The following RAB3IP variants were observed in gnomAD, a reference collection of about 807,000 sequenced individuals.
RAB3IP encodes rab-3A-interacting protein.
In RAB3IP, 36 loss-of-function variants were observed where a neutral mutation model predicts 59.1. The ratio of observed to expected loss-of-function variants is 0.61; its 90% CI spans 0.47 to 0.80. The LOEUF (loss-of-function observed/expected upper bound fraction) is 0.80. Among genes scored for constraint, RAB3IP ranks in the 30% least tolerant of loss-of-function variants. The pLI is 0.00. For missense variants in RAB3IP, 511 were observed against 536.0 expected (o/e 0.95, Z 0.46); for synonymous variants, 207 against 191.2 (o/e 1.08, Z -0.68).
chr12:69,764,778 C>G (rs1443371051), intron 3 of RAB3IP, among the ~76,000 whole-genome samples: 1 of 152,090 alleles, frequency 6.6e-6, no homozygotes, highest in Non-Finnish European at 1.5e-5. Flanking sequence ...AGTCCATGAG[C>G]ATGAAATATT....
At position 69,817,760 on chromosome 12, in the gene RAB3IP, C is replaced by T. The variant is rs1881291271; in HGVS notation, c.*2314C>T. On this transcript the variant is annotated 3_prime_UTR_variant, in exon 11 of 11. Transcript: ENST00000247833. The stretch of plus-strand genomic sequence containing the variant: ...AGGGGTTCAAGTCCAACTTGGGCAA[C>T]ATAGGGAGACCTTGTCTCTAAAAAA... The T allele has an allele frequency of 1.3e-5, 2 of 150,566 alleles. No homozygotes were observed. Among genetic ancestry groups the T allele is most frequent in the Admixed American group, 6.6e-5 (1 of 15,060 alleles). 9.3% of individuals were successfully genotyped at this position (150,566 alleles called of 1,614,324 possible).
At chr12:69,764,117 A>G (rs201347446) in intron 3 of RAB3IP, among the ~76,000 whole-genome samples, 2 of 152,194 alleles carry the variant, frequency 1.3e-5, no homozygotes, top group African/African-American at 4.8e-5. Context: ...TCTTTTGGAT[A>G]TATACCCAGT....
At position 69,815,560 on chromosome 12, in the gene RAB3IP, T is replaced by C; in HGVS notation, c.*114T>C. On this transcript the variant is annotated 3_prime_UTR_variant, in exon 11 of 11. Transcript: ENST00000247833. ...GTGAGCCTAAGACTTTTTTCCCCTT[T>C]TGCAAATTGCTCTAAGAAGTACCAT... 1 of 710,836 alleles carries C rather than the reference T, an allele frequency of 1.4e-6. No homozygotes were observed. The highest frequency in any genetic ancestry group is 2.4e-6 in the Non-Finnish European group (1 of 414,970). 44.0% of individuals were successfully genotyped at this position (710,836 alleles called of 1,614,324 possible).
In RAB3IP at chr12:69,756,659, A is replaced by G; in HGVS notation, c.506A>G (p.Gln169Arg). ...TTAAAAGAAGAACTCGCAAAAGCTCAGAGGGTAAGAAAGAAGATATTTTAT... is the reference window on the plus strand; with the variant it reads ...TTAAAAGAAGAACTCGCAAAAGCTCGGAGGGTAAGAAAGAAGATATTTTAT... ...ERLKEELAKAQRELKLKDEEC... is the reference protein window; with the variant it reads ...ERLKEELAKARRELKLKDEEC... Residue 169 changes from glutamine to arginine, a missense_variant, in exon 3 of 11, where the codon CAG becomes CGG. Physicochemically the swap from Gln to Arg is conservative, Grantham distance 43 (BLOSUM62 1). Transcript: ENST00000247833. 1 of 1,611,830 alleles carries G rather than the reference A, an allele frequency of 6.2e-7. No homozygotes were observed. The highest frequency in any genetic ancestry group is 2.2e-5 in the East Asian group (1 of 44,864).
chr12:69,798,925 T>A (rs1877950935), intron 6 of RAB3IP, among the ~76,000 whole-genome samples: 1 of 152,198 alleles, frequency 6.6e-6, no homozygotes, highest in Non-Finnish European at 1.5e-5. Flanking sequence ...CATCTCTTAT[T>A]AGAGCCAGGA....
At position 69,802,380 on chromosome 12, in the gene RAB3IP, AC is replaced by A. The variant is rs201595392; in HGVS notation, c.1130+660del. On this transcript the variant is annotated intron_variant, in intron 8 of 10. Coordinates refer to ENST00000247833, the MANE Select transcript of RAB3IP (RefSeq NM_022456.5). ...GTTTTGTCTTTCATATGTGAGTCTTACTTGAGAATTACAAATCTTCAGAGAT... is the reference window on the plus strand; with the variant it reads ...GTTTTGTCTTTCATATGTGAGTCTTATTGAGAATTACAAATCTTCAGAGAT... Among the ~76,000 whole-genome samples, 1,027 of 152,294 alleles carry A rather than the reference AC, an allele frequency of 6.7e-3. 9 individuals carry two copies. Among genetic ancestry groups the A allele is most frequent in the African/African-American group, 0.023 (958 of 41,556 alleles).
chr12:69,784,742 A>C lies in RAB3IP; in HGVS notation c.533A>C (p.Glu178Ala). The C allele has an allele frequency of 2.5e-6, 4 of 1,605,738 alleles. No individual in the cohort carries two copies. The highest frequency in any genetic ancestry group is 3.4e-6 in the Non-Finnish European group (4 of 1,175,082). The change falls in exon 4 of 11, where the codon GAA (glutamate) becomes GCA (alanine). Residue 178 changes from glutamate to alanine, a missense_variant. By Grantham distance (107) the Glu-to-Ala change is moderately radical. Coordinates refer to ENST00000247833, the MANE Select transcript of RAB3IP (RefSeq NM_022456.5). ...TAGGAACTGAAGTTAAAAGATGAAGAATGTGAGAGGCTTTCAAAAGTGCGA... is the reference window on the plus strand; with the variant it reads ...TAGGAACTGAAGTTAAAAGATGAAGCATGTGAGAGGCTTTCAAAAGTGCGA... The part of the protein sequence containing the change: ...AQRELKLKDE[E>A]CERLSKVRDQ...
At chr12:69,753,594 C>A (rs1869688341) in intron 1 of RAB3IP, among the ~76,000 whole-genome samples, 1 of 152,116 alleles carries the variant, frequency 6.6e-6, no homozygotes, top group Non-Finnish European at 1.5e-5. Context: ...AGTAATCCAC[C>A]CGCCTCGGCC....
intron 1 of RAB3IP, 119 bp from the exon 2 acceptor site, chr12:69,755,265 T>A: frequency 5.3e-6 from 5 of 949,532 alleles, no homozygotes; most frequent in Non-Finnish European, 7.7e-6. Flanking sequence ...AAAAGCCTCT[T>A]TTATTGTAAG....
chr12:69,770,344 TG>T (rs1468476098), intron 3 of RAB3IP, among the ~76,000 whole-genome samples: 7 of 152,210 alleles, frequency 4.6e-5, no homozygotes, highest in Non-Finnish European at 1.0e-4. Context: ...GCATAGTGTT[TG>T]CATATAACCT....
chr12:69,749,688 C>A (rs1381199474), intron 1 of RAB3IP, among the ~76,000 whole-genome samples: 1 of 152,190 alleles, frequency 6.6e-6, no homozygotes, highest in Admixed American at 6.5e-5. Context: ...TTGTCTTTCT[C>A]ATTTCTTGCT....
At chr12:69,744,691 CAAAAAA>C (rs11302589) in intron 1 of RAB3IP, among the ~76,000 whole-genome samples, 1 of 130,030 alleles carries the variant, frequency 7.7e-6, no homozygotes, top group Non-Finnish European at 1.7e-5. Context: ...GACTGCATCT[CAAAAAA>C]AAAAAAAAAA....
At chr12:69,794,595 G>A in intron 5 of RAB3IP, 81 bp downstream of exon 5, 2 of 1,126,512 alleles carry the variant, frequency 1.8e-6, no homozygotes, top group Non-Finnish European at 2.5e-6. Context: ...GTTGGATTTT[G>A]TTCTGATCGT....
chr12:69,746,462 T>C (rs1037450797), intron 1 of RAB3IP, among the ~76,000 whole-genome samples: 2 of 152,166 alleles, frequency 1.3e-5, no homozygotes, highest in African/African-American at 4.8e-5. Context: ...TTTACTTCTC[T>C]TTGAGACATT....
At chr12:69,751,141 A>G (rs905553933) in intron 1 of RAB3IP, among the ~76,000 whole-genome samples, 1 of 152,192 alleles carries the variant, frequency 6.6e-6, no homozygotes, top group African/African-American at 2.4e-5. Flanking sequence ...CCAGTGAGGT[A>G]CTTTGCTTTA....
chr12:69,796,656 T>G (rs1303624753), intron 6 of RAB3IP: 10 of 617,878 alleles, frequency 1.6e-5, no homozygotes, highest in Admixed American at 1.5e-4. Context: ...AAGAGAGAAG[T>G]TCAATACTTG....
chr12:69,786,928 A>T (rs1033640308), intron 4 of RAB3IP, among the ~76,000 whole-genome samples: 163 of 152,324 alleles, frequency 1.1e-3, no homozygotes, highest in African/African-American at 3.8e-3. Context: ...TTGATTAAAG[A>T]TGATTTTGGT....
At chr12:69,814,448 AG>A (rs1880885249) in intron 10 of RAB3IP, among the ~76,000 whole-genome samples, 1 of 152,134 alleles carries the variant, frequency 6.6e-6, no homozygotes, top group South Asian at 2.1e-4. Context: ...CAAAGGATTT[AG>A]GGCAGCTAAA....
intron 10 of RAB3IP, 86 bp downstream of exon 10, chr12:69,813,119 A>G (rs1444994231): frequency 3.4e-6 from 3 of 877,072 alleles, no homozygotes; most frequent in Admixed American, 2.3e-5. Context: ...ATAGAATAGT[A>G]GTAATGCTCA....
Sources: allele counts gnomAD v4.1 joint callset (sites outside exome capture counted in the v4.1 genomes callset), GRCh38; gene constraint gnomAD v4.1.1; transcripts MANE v1.5; gene names NCBI Gene and HGNC (gene_info 2026-07-23, HGNC 2026-07-21).